Variants in SLC39A11 observed in about 807,000 individuals in gnomAD.
SLC39A11 encodes solute carrier family 39 member 11.
SLC39A11 carries 33 observed loss-of-function variants against 36.1 expected under a neutral mutation model. The ratio of observed to expected loss-of-function variants is 0.91; its 90% CI spans 0.69 to 1.22. The LOEUF (loss-of-function observed/expected upper bound fraction) is 1.22, where lower values mean the gene tolerates loss of function less well. Ranked by LOEUF, SLC39A11 falls within the 50% of genes most tolerant of loss-of-function variation. SLC39A11 has a pLI of 0.00. For missense variants in SLC39A11, 432 were observed against 430.3 expected, an observed-to-expected ratio of 1.00 and a Z score of -0.03; for synonymous variants, 166 against 170.3, an observed-to-expected ratio of 0.97 and a Z score of 0.20.
intron 6 of SLC39A11, among the ~76,000 whole-genome samples, chr17:72,749,348 C>T (rs2075062741): frequency 6.6e-6 from 1 of 152,184 alleles, no homozygotes; most frequent in South Asian, 2.1e-4. Context: ...GGCCACTGGG[C>T]TTCCTCTCCC....
intron 4 of SLC39A11, among the ~76,000 whole-genome samples, chr17:72,967,338 CTCA>C (rs2087066255): frequency 6.9e-6 from 1 of 145,566 alleles, no homozygotes; most frequent in African/African-American, 2.5e-5. Flanking sequence ...AGAAAACACC[CTCA>C]TGAGAAGAAA....
At chr17:72,700,951 A>G (rs1349295300) in intron 7 of SLC39A11, among the ~76,000 whole-genome samples, 1 of 152,216 alleles carries the variant, frequency 6.6e-6, no homozygotes, top group Non-Finnish European at 1.5e-5. Flanking sequence ...GGGAGCTACA[A>G]TTCAAGATGA....
Position 72,991,298 on chromosome 17 carries a change from T to C in SLC39A11, c.306+40258A>G, listed in dbSNP as rs530687763. Among the ~76,000 whole-genome samples, 206 of 152,290 alleles carry C rather than the reference T, an allele frequency of 1.4e-3. 6 individuals are homozygous for C. In the South Asian group the frequency reaches 0.039, roughly 29 times the overall value. Reference sequence around the variant, plus strand: ...TATTATTTTATACAATTTCAAACTTTAGTTAAATAGTATTTTACTGTATGT... The same window carrying C: ...TATTATTTTATACAATTTCAAACTTCAGTTAAATAGTATTTTACTGTATGT... On this transcript the variant is annotated intron_variant, in intron 4 of 9. Transcript: ENST00000255559.
At chr17:72,832,741 T>C (rs1425093732) in intron 6 of SLC39A11, among the ~76,000 whole-genome samples, 2 of 152,202 alleles carry the variant, frequency 1.3e-5, no homozygotes, top group Non-Finnish European at 2.9e-5. Flanking sequence ...ATAACAGCTA[T>C]CAAGGGAATG....
intron 4 of SLC39A11, among the ~76,000 whole-genome samples, chr17:72,991,990 CTT>C (rs903055048): frequency 2.0e-5 from 3 of 152,222 alleles, no homozygotes; most frequent in African/African-American, 7.2e-5. Context: ...TCAAAAATCT[CTT>C]TTGTCAATAC....
At chr17:72,654,142 T>C (rs2069995498) in intron 7 of SLC39A11, among the ~76,000 whole-genome samples, 1 of 152,126 alleles carries the variant, frequency 6.6e-6, no homozygotes, top group South Asian at 2.1e-4. Context: ...AGCCAGTCTA[T>C]AGGGGCAGGA....
intron 5 of SLC39A11, among the ~76,000 whole-genome samples, chr17:72,920,555 A>T (rs1049495002): frequency 1.3e-5 from 2 of 151,360 alleles, no homozygotes; most frequent in East Asian, 1.9e-4. Flanking sequence ...TGCTCCCTAA[A>T]TTTACAACAC....
At chr17:72,814,739 G>A (rs1318775795) in intron 6 of SLC39A11, among the ~76,000 whole-genome samples, 1 of 151,958 alleles carries the variant, frequency 6.6e-6, no homozygotes. Flanking sequence ...GATCACCTGG[G>A]GCTGGGGGGA....
At chr17:72,998,862 G>A (rs2089664950) in intron 4 of SLC39A11, among the ~76,000 whole-genome samples, 1 of 152,222 alleles carries the variant, frequency 6.6e-6, no homozygotes, top group African/African-American at 2.4e-5. Flanking sequence ...GAGGTGGAAG[G>A]GAGATGGCGG....
chr17:73,087,853 C>A (rs921778674), intron 2 of SLC39A11, among the ~76,000 whole-genome samples: 1 of 152,082 alleles, frequency 6.6e-6, no homozygotes, highest in Non-Finnish European at 1.5e-5. Flanking sequence ...AGGAAACAAC[C>A]TGGAGATGGG....
intron 5 of SLC39A11, among the ~76,000 whole-genome samples, chr17:72,897,327 T>A (rs1345168906): frequency 1.3e-5 from 2 of 152,202 alleles, no homozygotes; most frequent in Non-Finnish European, 2.9e-5. Context: ...TCATCTAATA[T>A]AACCTCATTA....
chr17:73,042,889 T>C (rs1207669092), intron 3 of SLC39A11, among the ~76,000 whole-genome samples: 1 of 152,116 alleles, frequency 6.6e-6, no homozygotes, highest in Non-Finnish European at 1.5e-5. Context: ...AAATCAGATA[T>C]AAAATTAACA....
chr17:73,060,261 G>GT (rs972953621), intron 3 of SLC39A11, among the ~76,000 whole-genome samples: 4 of 142,778 alleles, frequency 2.8e-5, no homozygotes, highest in African/African-American at 7.5e-5. Context: ...AGAAAACAAG[G>GT]TAAAAAAAAA....
chr17:72,690,838 T>C (rs2071994831), intron 7 of SLC39A11, among the ~76,000 whole-genome samples: 1 of 152,068 alleles, frequency 6.6e-6, no homozygotes, highest in Non-Finnish European at 1.5e-5. Context: ...GCAGGGCTCC[T>C]GGTGTGCCCG....
At chr17:73,035,139 GTT>G (rs1428510873) in intron 3 of SLC39A11, among the ~76,000 whole-genome samples, 2 of 142,756 alleles carry the variant, frequency 1.4e-5, no homozygotes. Context: ...TTTGTTTTTT[GTT>G]TTTGTTTTTG....
At chr17:73,074,872 G>A (rs2060272527) in intron 3 of SLC39A11, among the ~76,000 whole-genome samples, 1 of 152,176 alleles carries the variant, frequency 6.6e-6, no homozygotes, top group South Asian at 2.1e-4. Context: ...CTAGAAGTAA[G>A]TTTCTTGATT....
At chr17:72,900,392 CCAGGATTATGAGGATG>C (rs68015333) in intron 5 of SLC39A11, among the ~76,000 whole-genome samples, 88,048 of 142,594 alleles carry the variant, frequency 0.62, 28,740 homozygotes, top group African/African-American at 0.89. Flanking sequence ...AAGGAGGGTG[CCAGGATTATGAGGATG>C]CAGGATTATG....
chr17:72,766,729 AC>A (rs1330335728), intron 6 of SLC39A11, among the ~76,000 whole-genome samples: 3 of 152,104 alleles, frequency 2.0e-5, no homozygotes, highest in Non-Finnish European at 2.9e-5. Context: ...ACCCTCTTTT[AC>A]TAGTGACAAA....
chr17:73,066,903 C>A (rs1200306545), intron 3 of SLC39A11, among the ~76,000 whole-genome samples: 1 of 152,160 alleles, frequency 6.6e-6, no homozygotes, highest in African/African-American at 2.4e-5. Context: ...ATTCATGATC[C>A]CAAAAGTCCT....
Sources: allele counts gnomAD v4.1 joint callset (sites outside exome capture counted in the v4.1 genomes callset), GRCh38; gene constraint gnomAD v4.1.1; transcripts MANE v1.5; gene names NCBI Gene and HGNC (gene_info 2026-07-23, HGNC 2026-07-21).